The following RAD51B variants were observed in gnomAD, a reference collection of about 807,000 sequenced individuals.
The protein encoded by RAD51B is DNA repair protein RAD51 homolog 2.
In RAD51B, 38 loss-of-function variants were observed where a neutral mutation model predicts 42.2. The ratio of observed to expected loss-of-function variants is 0.90; its 90% CI spans 0.70 to 1.18. RAD51B has a LOEUF of 1.18. Ranked by LOEUF, RAD51B falls within the 50% of genes most tolerant of loss-of-function variation. RAD51B has a pLI of 0.00. For missense variants in RAD51B, 373 were observed against 400.7 expected, an observed-to-expected ratio of 0.93 and a Z score of 0.59; for synonymous variants, 154 against 145.2, an observed-to-expected ratio of 1.06 and a Z score of -0.43.
rs541239304 is a variant in RAD51B at position 68,213,056 on chromosome 14, C to G, written c.757-78828C>G. Among the ~76,000 whole-genome samples the G allele has an allele frequency of 1.5e-4, 23 of 152,278 alleles. No homozygotes were observed. In the East Asian group the frequency reaches 1.7e-3, roughly 11 times the overall value. On this transcript the variant is annotated intron_variant, in intron 7 of 10. Transcript: ENST00000471583. ...GGTCCTCAGGGTAAGCCTCAGGAAC[C>G]TGTCTAGTGATGCTGTTCTATCCAA...
chr14:68,368,601 G>A (rs1436459375), intron 8 of RAD51B, among the ~76,000 whole-genome samples: 1 of 152,210 alleles, frequency 6.6e-6, no homozygotes, highest in African/African-American at 2.4e-5. Flanking sequence ...CTGTAATGGA[G>A]TTGCTCAGCA....
chr14:68,423,257 A>G (rs1017965182), intron 9 of RAD51B, among the ~76,000 whole-genome samples: 6 of 152,166 alleles, frequency 3.9e-5, no homozygotes, highest in Admixed American at 3.3e-4. Context: ...CATCTTTACA[A>G]ACCTTAAAGA....
At chr14:68,637,400 A>G (rs1892363085) in intron 10 of RAD51B, among the ~76,000 whole-genome samples, 1 of 152,180 alleles carries the variant, frequency 6.6e-6, no homozygotes, top group South Asian at 2.1e-4. Context: ...TTGCTGACTG[A>G]ATAAATAGTA....
At chr14:67,901,751 A>G (rs934010661) in intron 7 of RAD51B, among the ~76,000 whole-genome samples, 1 of 152,228 alleles carries the variant, frequency 6.6e-6, no homozygotes, top group Admixed American at 6.5e-5. Context: ...GAATGAAATA[A>G]TGTCTTTTGC....
chr14:68,293,872 G>T (rs1196554412), intron 8 of RAD51B, among the ~76,000 whole-genome samples: 1 of 152,182 alleles, frequency 6.6e-6, no homozygotes, highest in African/African-American at 2.4e-5. Flanking sequence ...TTGTTATCCA[G>T]TGACTAGCAA....
intron 8 of RAD51B, among the ~76,000 whole-genome samples, chr14:68,345,360 G>A (rs189280063): frequency 9.8e-4 from 150 of 152,286 alleles, no homozygotes; most frequent in Non-Finnish European, 1.8e-3. Flanking sequence ...GGTGGGGCTT[G>A]GTGGAAGGTG....
At chr14:68,076,571 G>A (rs1387640589) in intron 7 of RAD51B, among the ~76,000 whole-genome samples, 5 of 152,142 alleles carry the variant, frequency 3.3e-5, no homozygotes, top group Non-Finnish European at 7.4e-5. Flanking sequence ...ATCTAAAAAA[G>A]GACCAAGAAA....
At chr14:67,905,500 G>C (rs2043754025) in intron 7 of RAD51B, among the ~76,000 whole-genome samples, 1 of 152,052 alleles carries the variant, frequency 6.6e-6, no homozygotes. Flanking sequence ...AATTGCTTTG[G>C]GCAGTATAGC....
chr14:68,231,578 T>A (rs2080150571), intron 7 of RAD51B, among the ~76,000 whole-genome samples: 1 of 152,168 alleles, frequency 6.6e-6, no homozygotes, highest in Non-Finnish European at 1.5e-5. Context: ...TGCCAGTGCA[T>A]TGAAAAGCAG....
At chr14:68,585,664 A>AC (rs1403849137) in intron 10 of RAD51B, among the ~76,000 whole-genome samples, 1 of 152,074 alleles carries the variant, frequency 6.6e-6, no homozygotes, top group Non-Finnish European at 1.5e-5. Flanking sequence ...GGCAGAGCAA[A>AC]CATTTTTTTC....
intron 11 of RAD51B, among the ~76,000 whole-genome samples, chr14:68,660,988 G>A (rs1386395692): frequency 6.6e-6 from 1 of 152,206 alleles, no homozygotes; most frequent in African/African-American, 2.4e-5. Flanking sequence ...GTCTCCAGGG[G>A]AAAGTCCCCT....
intron 10 of RAD51B, among the ~76,000 whole-genome samples, chr14:68,639,583 G>T (rs987895237): frequency 5.3e-5 from 8 of 152,198 alleles, no homozygotes; most frequent in African/African-American, 1.9e-4. Flanking sequence ...AGCAGGCAGA[G>T]CGTCTATATT....
chr14:68,618,828 C>G (rs1352624501), intron 10 of RAD51B, among the ~76,000 whole-genome samples: 1 of 152,280 alleles, frequency 6.6e-6, no homozygotes, highest in East Asian at 1.9e-4. Context: ...GAAAGAAGTG[C>G]CCCCTCCACC....
At chr14:68,215,510 G>A (rs1245959669) in intron 7 of RAD51B, among the ~76,000 whole-genome samples, 2 of 152,164 alleles carry the variant, frequency 1.3e-5, no homozygotes, top group Admixed American at 1.3e-4. Flanking sequence ...TAATAGTTCC[G>A]GGAGTTAGGT....
At chr14:68,586,349 C>T (rs1890476954) in intron 10 of RAD51B, among the ~76,000 whole-genome samples, 1 of 152,236 alleles carries the variant, frequency 6.6e-6, no homozygotes, top group Admixed American at 6.5e-5. Flanking sequence ...CCCCTCCACA[C>T]ACCTTTATTT....
At chr14:68,666,999 C>CTGAA (rs1893044873) in intron 11 of RAD51B, among the ~76,000 whole-genome samples, 1 of 152,178 alleles carries the variant, frequency 6.6e-6, no homozygotes, top group East Asian at 1.9e-4. Context: ...GACAGCAATC[C>CTGAA]TGAAGTCACG....
At chr14:67,860,063 C>T (rs2042116720) in intron 4 of RAD51B, among the ~76,000 whole-genome samples, 1 of 152,176 alleles carries the variant, frequency 6.6e-6, no homozygotes, top group Non-Finnish European at 1.5e-5. Context: ...CTCAGGTGAT[C>T]TGCCCACCTC....
At chr14:68,555,455 C>T (rs1222677443) in intron 10 of RAD51B, among the ~76,000 whole-genome samples, 1 of 152,090 alleles carries the variant, frequency 6.6e-6, no homozygotes, top group African/African-American at 2.4e-5. Context: ...GAGGGTATTT[C>T]CAGTGCTGCC....
At chr14:68,167,661 G>T (rs2078781220) in intron 7 of RAD51B, among the ~76,000 whole-genome samples, 2 of 152,056 alleles carry the variant, frequency 1.3e-5, no homozygotes, top group African/African-American at 2.4e-5. Context: ...GATTTGATGG[G>T]TAGACGAGGT....
Sources: allele counts gnomAD v4.1 joint callset (sites outside exome capture counted in the v4.1 genomes callset), GRCh38; gene constraint gnomAD v4.1.1; transcripts MANE v1.5; gene names NCBI Gene and HGNC (gene_info 2026-07-23, HGNC 2026-07-21).